The following UNC13A variants were observed in gnomAD, a reference collection of about 807,000 sequenced individuals.
UNC13A encodes the protein protein unc-13 homolog A.
UNC13A carries 61 observed loss-of-function variants against 219.7 expected under a neutral mutation model. That is an observed-to-expected ratio of 0.28 (90% CI 0.23 to 0.34). UNC13A has a LOEUF of 0.34. Ranked by LOEUF, UNC13A falls within the 10% of genes least tolerant of loss-of-function variation. The probability of loss-of-function intolerance (pLI) is 1.00; values close to 1 mark genes in which losing one functional copy is unlikely to be tolerated. For missense variants in UNC13A, 1,476 were observed against 2,270.3 expected (o/e 0.65, Z 7.11); for synonymous variants, 920 against 884.6 (o/e 1.04, Z -0.71).
intron 17 of UNC13A, among the ~76,000 whole-genome samples, 158 bp from the exon 18 acceptor site, chr19:17,646,269 GTGTTTGTT>G (rs3049772): frequency 1.0e-3 from 151 of 150,860 alleles, no homozygotes; most frequent in African/African-American, 3.5e-3. Context: ...GGTTTTTTGT[GTGTTTGTT>G]TGTTTGTTTG....
intron 4 of UNC13A, among the ~76,000 whole-genome samples, chr19:17,670,799 G>A (rs1489797763): frequency 6.6e-6 from 1 of 151,892 alleles, no homozygotes; most frequent in Non-Finnish European, 1.5e-5. Flanking sequence ...AGCTACTCAG[G>A]AGGTTGAGGC....
At chr19:17,629,445 G>A (rs1015287732) in intron 30 of UNC13A, 122 bp from the exon 31 acceptor site, 19 of 807,106 alleles carry the variant, frequency 2.4e-5, no homozygotes, top group Non-Finnish European at 3.5e-5. Context: ...CCTAAGATGG[G>A]CCTTTGGGCT....
chr19:17,624,541 C>T (rs748790743), intron 35 of UNC13A, among the ~76,000 whole-genome samples: 3 of 152,150 alleles, frequency 2.0e-5, no homozygotes, highest in African/African-American at 7.2e-5. Flanking sequence ...CTTTAGTGGT[C>T]TCTTGACTCT....
chr19:17,649,329 C>G lies in UNC13A; in HGVS notation c.1524+10G>C. The G allele has an allele frequency of 1.9e-6, 3 of 1,583,934 alleles. No homozygotes were observed. The South Asian group carries it at 3.4e-5, about 18-fold the overall frequency. On this transcript the variant is annotated intron_variant, in intron 14 of 43. Coordinates refer to ENST00000519716, the MANE Select transcript of UNC13A (RefSeq NM_001080421.3). This position sits in a 1 kb window ranked among gnomAD's most constrained non-coding sequence, Gnocchi z 4.4. ...GAAGATCCCAAGAGGCCCATGTCGC[C>G]ATCACTCACCATGGCCTGAAGTGTC...
chr19:17,656,833 C>T (rs919826426), intron 9 of UNC13A, among the ~76,000 whole-genome samples: 2 of 114,770 alleles, frequency 1.7e-5, no homozygotes, highest in African/African-American at 6.6e-5. Flanking sequence ...GCCTGGGCAA[C>T]AAGAGCGAAA....
intron 2 of UNC13A, among the ~76,000 whole-genome samples, chr19:17,675,727 A>G (rs1294584204): frequency 6.6e-6 from 1 of 151,788 alleles, no homozygotes; most frequent in Non-Finnish European, 1.5e-5. Context: ...AAGAGTCCCC[A>G]TTCTACCTCT....
intron 5 of UNC13A, 130 bp downstream of exon 5, chr19:17,669,423 G>T: frequency 7.6e-7 from 1 of 1,311,716 alleles, no homozygotes; most frequent in Non-Finnish European, 1.0e-6. Flanking sequence ...CTCCTCCGGG[G>T]CGAAGGACCC....
intron 31 of UNC13A, chr19:17,628,226 C>T (rs2076804219): frequency 1.3e-5 from 6 of 472,604 alleles, no homozygotes; most frequent in South Asian, 8.8e-5. Context: ...CTGGGAGTAG[C>T]AGAGTTTCCT....
rs2076487251 is a variant in UNC13A, at chr19:17,603,398, A to G, written c.*2656T>C. 6.6e-6 allele frequency: 1 copy of G among 152,232 alleles called. No homozygotes were observed. The allele number at this position is 152,232 out of a possible 1,614,324, so 9.4% of individuals were successfully genotyped here. On this transcript the variant is annotated 3_prime_UTR_variant, in exon 44 of 44. Coordinates refer to ENST00000519716, the MANE Select transcript of UNC13A (RefSeq NM_001080421.3). The stretch of plus-strand genomic sequence containing the variant: ...TTCCCCTTTGGGCTCTATGGGTTAC[A>G]ACCCTGAATCATCCATCCACCCGAC...
intron 1 of UNC13A, among the ~76,000 whole-genome samples, chr19:17,687,935 G>A (rs544532934): frequency 2.1e-5 from 3 of 140,022 alleles, no homozygotes; most frequent in African/African-American, 7.5e-5. Context: ...ACGGGCCTCC[G>A]CGTTCAGCCG....
intron 11 of UNC13A, among the ~76,000 whole-genome samples, chr19:17,653,797 A>G (rs2079397114): frequency 6.7e-6 from 1 of 150,272 alleles, no homozygotes; most frequent in Non-Finnish European, 1.5e-5. Context: ...TATTGTTGAA[A>G]TAAATATTTT....
chr19:17,610,767 G>T (rs978988301), intron 42 of UNC13A, among the ~76,000 whole-genome samples: 2 of 152,132 alleles, frequency 1.3e-5, no homozygotes, highest in Non-Finnish European at 2.9e-5. Context: ...GGTGGCTCAC[G>T]TCTGGAATCC....
Position 17,674,755 on chromosome 19 carries a change from C to T in UNC13A, c.54G>A (p.Glu18=), listed in dbSNP as rs769274064. The T allele has an allele frequency of 3.1e-6, 5 of 1,613,890 alleles. No individual in the cohort carries two copies. Among genetic ancestry groups the T allele is most frequent in the East Asian group, 2.2e-5 (1 of 44,884 alleles). ...VKKAKFDGAQ[E]KFNTYVTLKV... is the part of the protein sequence containing the mutation. ...TCAGGGTCACGTACGTGTTGAATTT[C>T]TCTGTGGCAGTGAGAGTAGGGGTCA... The change falls in exon 3 of 44, where the codon GAG becomes GAA. Residue 18 remains glutamate, a splice_region_variant and synonymous_variant. Transcript: ENST00000519716. The surrounding 1 kb of genome is among the most constrained non-coding windows in gnomAD (Gnocchi z 5.0).
intron 2 of UNC13A, among the ~76,000 whole-genome samples, chr19:17,675,587 C>T (rs1189137436): frequency 8.1e-5 from 12 of 148,596 alleles, no homozygotes; most frequent in Middle Eastern, 3.5e-3. Context: ...GCCGAGATCA[C>T]GCCACTGCAC....
Position 17,641,452 on chromosome 19 carries a change from C to T in UNC13A, c.2577G>A (p.Gln859=). 1 of 1,614,174 alleles carries T rather than the reference C, an allele frequency of 6.2e-7. No individual in the cohort carries two copies. Among genetic ancestry groups the T allele is most frequent in the African/African-American group, 1.3e-5 (1 of 75,048 alleles). The change falls in exon 21 of 44, where the codon CAG becomes CAA. Residue 859 remains glutamine (Q), a synonymous_variant. Transcript: ENST00000519716. ...GCATGGCAAACTCGTCCACAATCTC[C>T]TGGGCTGTCTCATCGTAGTAAACCT... is the stretch of plus-strand genomic sequence containing the variant. The part of the protein sequence containing the change: ...AWKVYYDETA[Q]EIVDEFAMRY...
chr19:17,662,905 G>GT (rs2079576577), intron 8 of UNC13A, among the ~76,000 whole-genome samples: 1 of 145,038 alleles, frequency 6.9e-6, no homozygotes, highest in East Asian at 2.0e-4. Context: ...GGGTGATAGA[G>GT]TGAGACTCCG....
chr19:17,642,214 A>G lies in UNC13A; in HGVS notation c.2472+631T>C, dbSNP rs893308326. On this transcript the variant is annotated intron_variant, in intron 20 of 43. Transcript: ENST00000519716. The stretch of plus-strand genomic sequence containing the variant: ...CAGTCAATCATCTATCCAGCAATCT[A>G]TCTATCCACTCATCAAGTTATCCAT... Among the ~76,000 whole-genome samples the G allele has an allele frequency of 2.0e-5, 3 of 152,098 alleles. No homozygotes were observed. In the South Asian group the frequency reaches 6.2e-4, roughly 32 times the overall value.
At chr19:17,672,584 G>T in intron 3 of UNC13A, 89 bp from the exon 4 acceptor site, 1 of 963,734 alleles carries the variant, frequency 1.0e-6, no homozygotes, top group Non-Finnish European at 1.6e-6. Context: ...AGAACACACA[G>T]CATACTGCAA....
At chr19:17,616,265 G>A in intron 41 of UNC13A, 1 of 503,406 alleles carries the variant, frequency 2.0e-6, no homozygotes, top group Non-Finnish European at 3.5e-6. Flanking sequence ...TCACCCGCCT[G>A]GGCCCTCCAA....
Sources: gnomAD v4.1 joint callset for allele counts (sites outside exome capture counted in the v4.1 genomes callset) on GRCh38, gnomAD v4.1.1 for gene constraint, Gnocchi (gnomAD v3.1) non-coding constraint, MANE v1.5 for transcripts, NCBI Gene and HGNC (gene_info 2026-07-23, HGNC 2026-07-21) for gene names.